Variants in LHCGR observed in about 807,000 individuals in gnomAD.
LHCGR encodes the protein luteinizing hormone/choriogonadotropin receptor, also known as lutropin-choriogonadotropic hormone receptor.
Under a neutral mutation model 60.7 loss-of-function variants are expected in LHCGR, and 55 were observed. That is an observed-to-expected ratio of 0.91 (90% CI 0.73 to 1.13). The LOEUF is 1.13. Ranked by LOEUF, LHCGR falls within the 50% of genes most tolerant of loss-of-function variation. The probability of loss-of-function intolerance (pLI) is 0.00; values close to 1 mark genes in which losing one functional copy is unlikely to be tolerated. For missense variants in LHCGR, 862 were observed against 836.0 expected, an observed-to-expected ratio of 1.03 and a Z score of -0.38; for synonymous variants, 337 against 316.5, an observed-to-expected ratio of 1.06 and a Z score of -0.69.
Position 48,686,932 on chromosome 2 carries a change from A to G in LHCGR, c.*765T>C, listed in dbSNP as rs1328497942. Reference sequence around the variant, plus strand: ...ATCTTGAGGTAGGAAGCAGGAAAACAAAATGCACTGAGACAGGGTTCCTAC... The same window carrying G: ...ATCTTGAGGTAGGAAGCAGGAAAACGAAATGCACTGAGACAGGGTTCCTAC... On this transcript the variant is annotated 3_prime_UTR_variant, in exon 11 of 11. Transcript: ENST00000294954. 6.6e-6 allele frequency: 1 copy of G among 152,222 alleles called. No individual in the cohort carries two copies. Among genetic ancestry groups the G allele is most frequent in the Non-Finnish European group, 1.5e-5 (1 of 68,024 alleles). 9.4% of individuals were successfully genotyped at this position (152,222 alleles called of 1,614,324 possible).
intron 1 of LHCGR, among the ~76,000 whole-genome samples, chr2:48,749,088 A>G (rs4074647): frequency 0.77 from 117,566 of 152,206 alleles, 45,809 homozygotes; most frequent in African/African-American, 0.88. Flanking sequence ...AGCAGCAAGG[A>G]ATTAAATCTT....
At chr2:48,709,271 C>A (rs1177431680) in intron 7 of LHCGR, among the ~76,000 whole-genome samples, 1 of 152,142 alleles carries the variant, frequency 6.6e-6, no homozygotes, top group Non-Finnish European at 1.5e-5. Flanking sequence ...CTCTGTCCTA[C>A]AGCTTAAAGT....
At chr2:48,725,989 A>G (rs1455563659) in intron 3 of LHCGR, among the ~76,000 whole-genome samples, 3 of 152,150 alleles carry the variant, frequency 2.0e-5, no homozygotes, top group Non-Finnish European at 4.4e-5. Context: ...TATAAGGATC[A>G]GAGCAGGGAG....
intron 9 of LHCGR, among the ~76,000 whole-genome samples, chr2:48,697,692 C>G (rs886990615): frequency 3.9e-5 from 6 of 152,176 alleles, no homozygotes; most frequent in African/African-American, 1.2e-4. Context: ...AGTGCCTTAT[C>G]TAAGTAATTG....
At chr2:48,751,713 T>C (rs1669964325) in intron 1 of LHCGR, among the ~76,000 whole-genome samples, 1 of 152,230 alleles carries the variant, frequency 6.6e-6, no homozygotes. Context: ...TGGATCGATA[T>C]GAACATTGCA....
Position 48,688,410 on chromosome 2 carries a change from C to G in LHCGR, c.1387G>C (p.Glu463Gln). 1 of 1,614,148 alleles carries G rather than the reference C, an allele frequency of 6.2e-7. No homozygotes were observed. Among genetic ancestry groups the G allele is most frequent in the Non-Finnish European group, 8.5e-7 (1 of 1,180,026 alleles). The change falls in exon 11 of 11, where the codon GAA (glutamate) becomes CAA (glutamine). Residue 463 changes from glutamate (E) to glutamine (Q), a missense_variant. By Grantham distance (29) the Glu-to-Gln change is conservative. Coordinates refer to ENST00000294954, the MANE Select transcript of LHCGR (RefSeq NM_000233.4). The surrounding 1 kb of genome is among the most constrained non-coding windows in gnomAD (Gnocchi z 5.2). ...SVYTLTVITL[E>Q]RWHTITYAIH... ...GCATAGGTGATGGTGTGCCATCTTT[C>G]TAGAGTGATGACGGTGAGGGTGTAG... is the stretch of plus-strand genomic sequence containing the variant.
At chr2:48,737,761 A>G (rs548245350) in intron 1 of LHCGR, among the ~76,000 whole-genome samples, 11 of 152,376 alleles carry the variant, frequency 7.2e-5, no homozygotes, top group African/African-American at 2.6e-4. Context: ...GTCTTTAAAA[A>G]TACATCCAGG....
intron 6 of LHCGR, among the ~76,000 whole-genome samples, chr2:48,716,650 C>T (rs1668262731): frequency 6.6e-6 from 1 of 152,162 alleles, no homozygotes; most frequent in Non-Finnish European, 1.5e-5. Context: ...TATACACAAC[C>T]TTGTTGTTTC....
At chr2:48,754,245 T>A (rs549804613) in intron 1 of LHCGR, among the ~76,000 whole-genome samples, 1 of 152,306 alleles carries the variant, frequency 6.6e-6, no homozygotes, top group South Asian at 2.1e-4. Flanking sequence ...GGCCTTTAAC[T>A]TTTCCACATG....
chr2:48,747,594 G>A (rs1488954702), intron 1 of LHCGR, among the ~76,000 whole-genome samples: 1 of 152,204 alleles, frequency 6.6e-6, no homozygotes, highest in Non-Finnish European at 1.5e-5. Flanking sequence ...GGGTCAGTCA[G>A]ATTCTCTTTT....
intron 8 of LHCGR, 147 bp downstream of exon 8, chr2:48,708,801 G>T (rs544569513): frequency 1.4e-4 from 106 of 761,038 alleles, no homozygotes; most frequent in Non-Finnish European, 9.4e-5. Flanking sequence ...TGGCAGCTGT[G>T]ATACACTTTG....
chr2:48,751,564 C>G (rs2103744354), intron 1 of LHCGR, among the ~76,000 whole-genome samples: 1 of 152,296 alleles, frequency 6.6e-6, no homozygotes, highest in East Asian at 1.9e-4. Context: ...CTATACCAGT[C>G]TCTTGGGGGT....
intron 6 of LHCGR, among the ~76,000 whole-genome samples, chr2:48,719,341 A>T (rs1415685420): frequency 1.3e-5 from 2 of 152,120 alleles, no homozygotes; most frequent in South Asian, 2.1e-4. Flanking sequence ...ATTTCAACAC[A>T]GTAGAGAGAC....
At chr2:48,714,111 A>C (rs1198495071) in intron 6 of LHCGR, 57 bp from the exon 7 acceptor site, 4 of 1,285,478 alleles carry the variant, frequency 3.1e-6, no homozygotes, top group Non-Finnish European at 4.5e-6. Flanking sequence ...AACAGTTTGG[A>C]AACACATTTT....
chr2:48,738,647 C>T (rs1669303750), intron 1 of LHCGR, among the ~76,000 whole-genome samples: 1 of 152,182 alleles, frequency 6.6e-6, no homozygotes, highest in South Asian at 2.1e-4. Context: ...TGCACCGTCT[C>T]ATATGGCAGC....
At chr2:48,721,047 C>A (rs1668472871) in intron 6 of LHCGR, 1 of 152,230 alleles carries the variant, frequency 6.6e-6, no homozygotes, top group South Asian at 2.1e-4. Context: ...TCTCTAAGAT[C>A]TTATTTCTAG....
At chr2:48,721,740 G>C (rs1668507463) in intron 6 of LHCGR, 2 of 470,798 alleles carry the variant, frequency 4.2e-6, no homozygotes, top group Non-Finnish European at 4.4e-6. Flanking sequence ...TTTCTTTAAG[G>C]GTGAGCTCCT....
intron 6 of LHCGR, among the ~76,000 whole-genome samples, chr2:48,719,414 C>T (rs1310425763): frequency 1.3e-5 from 2 of 152,184 alleles, no homozygotes; most frequent in Non-Finnish European, 2.9e-5. Flanking sequence ...CCTTTCCAGA[C>T]ATCACTTCTC....
intron 10 of LHCGR, among the ~76,000 whole-genome samples, chr2:48,693,797 T>C (rs1666978950): frequency 6.6e-6 from 1 of 152,198 alleles, no homozygotes. Context: ...GGAGCATAGT[T>C]GTCGAGGTAG....
Sources: gnomAD v4.1 joint callset for allele counts (sites outside exome capture counted in the v4.1 genomes callset) on GRCh38, gnomAD v4.1.1 for gene constraint, Gnocchi (gnomAD v3.1) non-coding constraint, MANE v1.5 for transcripts, NCBI Gene and HGNC (gene_info 2026-07-23, HGNC 2026-07-21) for gene names.